The following TPMT variants were observed in gnomAD, a reference collection of about 807,000 sequenced individuals.
TPMT encodes thiopurine S-methyltransferase.
A neutral mutation model predicts 34.2 loss-of-function variants in TPMT; 18 were observed. That is an observed-to-expected ratio of 0.53 (90% CI 0.36 to 0.78). The LOEUF (loss-of-function observed/expected upper bound fraction) is 0.78. TPMT is among the 30% of genes least tolerant of loss of function. The probability of loss-of-function intolerance (pLI) is 0.00; values close to 1 mark genes in which losing one functional copy is unlikely to be tolerated. For missense variants in TPMT, 265 were observed against 288.1 expected (o/e 0.92, Z 0.58); for synonymous variants, 69 against 92.4 (o/e 0.75, Z 1.45).
intron 3 of TPMT, 86 bp downstream of exon 3, chr6:18,147,737 G>A: frequency 8.2e-7 from 1 of 1,212,516 alleles, no homozygotes; most frequent in Non-Finnish European, 1.2e-6. Flanking sequence ...CCTGAAAATG[G>A]AGTTTTAAAA....
At position 18,131,572 on chromosome 6, in the gene TPMT, T is replaced by A. The variant is rs1456152477; in HGVS notation, c.625+561A>T. 6.6e-6 allele frequency among the ~76,000 whole-genome samples: 1 copy of A among 151,898 alleles called. No homozygotes were observed. The highest frequency in any genetic ancestry group is 1.5e-5 in the Non-Finnish European group (1 of 67,948). On this transcript the variant is annotated intron_variant, in intron 8 of 8. Coordinates refer to ENST00000309983, the MANE Select transcript of TPMT (RefSeq NM_000367.5). The surrounding 1 kb of genome is among the most constrained non-coding windows in gnomAD (Gnocchi z 4.3). ...CTCCAGCCTGGGTGACAGATCAAGA[T>A]CCTATCTCAAAAATAAACAAATAAA... is the stretch of plus-strand genomic sequence containing the variant.
At chr6:18,141,960 C>T (rs1380709944) in intron 4 of TPMT, among the ~76,000 whole-genome samples, 1 of 152,098 alleles carries the variant, frequency 6.6e-6, no homozygotes, top group Non-Finnish European at 1.5e-5. Context: ...AAGAAGCAGA[C>T]AACATGGTGC....
chr6:18,146,805 C>G lies in TPMT; in HGVS notation c.233+1018G>C, dbSNP rs993600378. On this transcript the variant is annotated intron_variant, in intron 3 of 8. Coordinates refer to ENST00000309983, the MANE Select transcript of TPMT (RefSeq NM_000367.5). This position sits in a 1 kb window ranked among gnomAD's most constrained non-coding sequence, Gnocchi z 6.2. ...GCAGCCCTCTAACAAAGGCTCTCAG[C>G]TACAGTTGATTGGTTGCTGGCTGCA... 1.3e-5 allele frequency among the ~76,000 whole-genome samples: 2 copies of G among 152,160 alleles called. No homozygotes were observed. Among genetic ancestry groups the G allele is most frequent in the Non-Finnish European group, 2.9e-5 (2 of 68,036 alleles).
Position 18,149,241 on chromosome 6 carries a change from C to T in TPMT, c.-44-70G>A. 7.6e-7 allele frequency: 1 copy of T among 1,317,888 alleles called. No homozygotes were observed. The highest frequency in any genetic ancestry group is 1.1e-6 in the Non-Finnish European group (1 of 922,238). 81.6% of individuals were successfully genotyped at this position (1,317,888 alleles called of 1,614,324 possible). On this transcript the variant is annotated intron_variant, in intron 1 of 8. Transcript: ENST00000309983. This position sits in a 1 kb window ranked among gnomAD's most constrained non-coding sequence, Gnocchi z 5.0. Reference sequence around the variant, plus strand: ...ATTCTATTGATGAACTAAATGAAAACCTATTATTCTTAGCAGTATGACTTT... The same window carrying T: ...ATTCTATTGATGAACTAAATGAAAATCTATTATTCTTAGCAGTATGACTTT...
Position 18,139,178 on chromosome 6 carries a change from TGTGTGGAC to T in TPMT, c.420-149_420-142del. 1.3e-6 allele frequency: 1 copy of T among 794,376 alleles called. No homozygotes were observed. Among genetic ancestry groups the T allele is most frequent in the Non-Finnish European group, 2.2e-6 (1 of 459,580 alleles). The allele number at this position is 794,376 out of a possible 1,614,324, so 49.2% of individuals were successfully genotyped here. On this transcript the variant is annotated intron_variant, in intron 5 of 8. Transcript: ENST00000309983. This position sits in a 1 kb window ranked among gnomAD's most constrained non-coding sequence, Gnocchi z 4.2. ...ACGTCTGCGTTTCCTCCTAGAGGAA[TGTGTGGAC>T]CTGGGTGTGGAGAGCTGTCCATCCC...
rs141369996 is a variant in TPMT at position 18,141,194 on chromosome 6, C to G, written c.367-1477G>C. Among the ~76,000 whole-genome samples the G allele has an allele frequency of 1.8e-3, 274 of 152,154 alleles. 1 individual carries two copies. Among genetic ancestry groups the G allele is most frequent in the African/African-American group, 6.0e-3 (250 of 41,506 alleles). ...TCAAATGTGCAGCCTGGGCGGGGAA[C>G]TGCTGCTCCAAGAGGGGCCTGGAAG... On this transcript the variant is annotated intron_variant, in intron 4 of 8. Coordinates refer to ENST00000309983, the MANE Select transcript of TPMT (RefSeq NM_000367.5).
Position 18,149,036 on chromosome 6 carries a change from T to C in TPMT, c.92A>G (p.Asp31Gly). ...AGCAGTCTTGCCGTTCACCCACTTG[T>C]CTTGCCATTCTTCCAGAGTTAGTAC... The part of the protein sequence containing the change: ...NQVLTLEEWQ[D>G]KWVNGKTAFH... Residue 31 changes from aspartate to glycine, a missense_variant, in exon 2 of 9, where the codon GAC becomes GGC. Asp to Gly is a moderately conservative substitution (Grantham distance 94). Coordinates refer to ENST00000309983, the MANE Select transcript of TPMT (RefSeq NM_000367.5). This position sits in a 1 kb window ranked among gnomAD's most constrained non-coding sequence, Gnocchi z 5.0. 6.2e-7 allele frequency: 1 copy of C among 1,614,180 alleles called. No homozygotes were observed. Among genetic ancestry groups the C allele is most frequent in the Non-Finnish European group, 8.5e-7 (1 of 1,180,016 alleles).
In TPMT at chr6:18,148,149, T is replaced by C. The variant is rs1416974320; in HGVS notation, c.141-234A>G. On this transcript the variant is annotated intron_variant, in intron 2 of 8. Coordinates refer to ENST00000309983, the MANE Select transcript of TPMT (RefSeq NM_000367.5). This position sits in a 1 kb window ranked among gnomAD's most constrained non-coding sequence, Gnocchi z 4.1. ...TTAGTAATTAAAAATAATTTTTTTT[T>C]CTTGGGGATGTTTTGAAAATTCTTT... 6.6e-6 allele frequency among the ~76,000 whole-genome samples: 1 copy of C among 152,190 alleles called. No individual in the cohort carries two copies. Among genetic ancestry groups the C allele is most frequent in the Non-Finnish European group, 1.5e-5 (1 of 68,030 alleles).
At position 18,140,875 on chromosome 6, in the gene TPMT, A is replaced by T. The variant is rs961258024; in HGVS notation, c.367-1158T>A. Among the ~76,000 whole-genome samples the T allele has an allele frequency of 6.6e-6, 1 of 151,964 alleles. No homozygotes were observed. The highest frequency in any genetic ancestry group is 1.5e-5 in the Non-Finnish European group (1 of 67,986). ...AGCTGGGGTGAAGGGCAGTGTAGGA[A>T]AGGTGTGTCAGCACACAAGACTGCT... On this transcript the variant is annotated intron_variant, in intron 4 of 8. Coordinates refer to ENST00000309983, the MANE Select transcript of TPMT (RefSeq NM_000367.5). This position sits in a 1 kb window ranked among gnomAD's most constrained non-coding sequence, Gnocchi z 4.7.
Position 18,143,884 on chromosome 6 carries a change from T to C in TPMT, c.234-156A>G, listed in dbSNP as rs1784198661. ...GAACATGCAGGAAAGCAGATCTATA[T>C]TATTTTCAAACCTTATAAAAATTCT... On this transcript the variant is annotated intron_variant, in intron 3 of 8. Transcript: ENST00000309983. This position sits in a 1 kb window ranked among gnomAD's most constrained non-coding sequence, Gnocchi z 6.1. 6.6e-6 allele frequency among the ~76,000 whole-genome samples: 1 copy of C among 152,216 alleles called. No individual in the cohort carries two copies. Among genetic ancestry groups the C allele is most frequent in the South Asian group, 2.1e-4 (1 of 4,828 alleles).
In TPMT at chr6:18,154,910, A is replaced by T. The variant is rs2150726190; in HGVS notation, c.-45+123T>A. 6.6e-6 allele frequency: 1 copy of T among 152,442 alleles called. No homozygotes were observed. Among genetic ancestry groups the T allele is most frequent in the African/African-American group, 2.4e-5 (1 of 41,580 alleles). 9.4% of individuals were successfully genotyped at this position (152,442 alleles called of 1,614,324 possible). On this transcript the variant is annotated intron_variant, in intron 1 of 8. Coordinates refer to ENST00000309983, the MANE Select transcript of TPMT (RefSeq NM_000367.5). The surrounding 1 kb of genome is among the most constrained non-coding windows in gnomAD (Gnocchi z 4.2). The stretch of plus-strand genomic sequence containing the variant: ...CCGCTTCTGCCCTGAACCCCACTTC[A>T]CAGGGCTGATTGCTAGGCTGTCTAC...
At chr6:18,144,522 G>A (rs1453238948) in intron 3 of TPMT, among the ~76,000 whole-genome samples, 7 of 151,862 alleles carry the variant, frequency 4.6e-5, no homozygotes, top group Admixed American at 1.3e-4. Flanking sequence ...GGGATTACAG[G>A]TGCCTGTCAC....
In TPMT at chr6:18,128,895, T is replaced by A. The variant is rs1142367; in HGVS notation, c.*1773A>T. The A allele has an allele frequency of 6.6e-6, 1 of 152,426 alleles. No individual in the cohort carries two copies. The highest frequency in any genetic ancestry group is 2.1e-4 in the South Asian group (1 of 4,826). The allele number at this position is 152,426 out of a possible 1,614,324, so 9.4% of individuals were successfully genotyped here. On this transcript the variant is annotated 3_prime_UTR_variant, in exon 9 of 9. Coordinates refer to ENST00000309983, the MANE Select transcript of TPMT (RefSeq NM_000367.5). The surrounding 1 kb of genome is among the most constrained non-coding windows in gnomAD (Gnocchi z 4.6). ...CCACCACGCCTGGCTAATTTTTTTG[T>A]ATTTTTAGTAGAGACGGGGTTGCTT...
chr6:18,130,699 A>G lies in TPMT; in HGVS notation c.707T>C (p.Phe236Ser). Residue 236 changes from phenylalanine to serine, a missense_variant, in exon 9 of 9, where the codon TTT becomes TCT. Transcript: ENST00000309983. The surrounding 1 kb of genome is among the most constrained non-coding windows in gnomAD (Gnocchi z 4.2). ...RHKSWGIDCL[F>S]EKLYLLTEK ...TTCTGTAAGTAGATATAACTTTTCA[A>G]AAAGACAGTCAATTCCCCAACTTTT... The G allele has an allele frequency of 6.2e-7, 1 of 1,612,710 alleles. No homozygotes were observed. Among genetic ancestry groups the G allele is most frequent in the African/African-American group, 1.3e-5 (1 of 75,016 alleles).
At position 18,154,785 on chromosome 6, in the gene TPMT, G is replaced by GA. The variant is rs752308547; in HGVS notation, c.-45+247dup. 1.5e-3 allele frequency among the ~76,000 whole-genome samples: 222 copies of GA among 150,668 alleles called. No homozygotes were observed. Among genetic ancestry groups the GA allele is most frequent in the Middle Eastern group, 6.9e-3 (2 of 288 alleles). ...GAGACCCTGTCTCTAAAAGAAAAAA[G>GA]AAAAAAAAATAATTAAAACACACCA... On this transcript the variant is annotated intron_variant, in intron 1 of 8. Coordinates refer to ENST00000309983, the MANE Select transcript of TPMT (RefSeq NM_000367.5). The surrounding 1 kb of genome is among the most constrained non-coding windows in gnomAD (Gnocchi z 4.2).
rs749026763 is a variant in TPMT, at chr6:18,139,661, C to T, written c.419+4G>A. On this transcript the variant is annotated splice_donor_region_variant and intron_variant, in intron 5 of 8. Coordinates refer to ENST00000309983, the MANE Select transcript of TPMT (RefSeq NM_000367.5). This position sits in a 1 kb window ranked among gnomAD's most constrained non-coding sequence, Gnocchi z 4.2. The stretch of plus-strand genomic sequence containing the variant: ...TTAAAGTGCAGATGTAGTATTCAAC[C>T]TACCTGGGAAGATCAAAAATACTGC... The T allele has an allele frequency of 2.5e-6, 4 of 1,612,848 alleles. No individual in the cohort carries two copies. The highest frequency in any genetic ancestry group is 1.7e-5 in the Admixed American group (1 of 59,996).
chr6:18,148,486 G>T lies in TPMT; in HGVS notation c.140+502C>A. 6.6e-6 allele frequency among the ~76,000 whole-genome samples: 1 copy of T among 152,116 alleles called. No individual in the cohort carries two copies. The highest frequency in any genetic ancestry group is 1.9e-4 in the East Asian group (1 of 5,200). ...TCTAACAACCACTTTACTCAGCACTGGTCCCATGATTTATTGCTGCTATGA... is the reference window on the plus strand; with the variant it reads ...TCTAACAACCACTTTACTCAGCACTTGTCCCATGATTTATTGCTGCTATGA... On this transcript the variant is annotated intron_variant, in intron 2 of 8. Transcript: ENST00000309983. This position sits in a 1 kb window ranked among gnomAD's most constrained non-coding sequence, Gnocchi z 4.1.
In TPMT at chr6:18,128,452, A is replaced by G. The variant is rs1783867190; in HGVS notation, c.*2216T>C. 6.6e-6 allele frequency: 1 copy of G among 152,184 alleles called. No individual in the cohort carries two copies. Among genetic ancestry groups the G allele is most frequent in the South Asian group, 2.1e-4 (1 of 4,824 alleles). The allele number at this position is 152,184 out of a possible 1,614,324, so 9.4% of individuals were successfully genotyped here. On this transcript the variant is annotated 3_prime_UTR_variant, in exon 9 of 9. Coordinates refer to ENST00000309983, the MANE Select transcript of TPMT (RefSeq NM_000367.5). This position sits in a 1 kb window ranked among gnomAD's most constrained non-coding sequence, Gnocchi z 4.6. ...ATGATCAACTACCTAAGGATATCTC[A>G]TTTGTATTTAAGATTCTTTGGGCAC... is the stretch of plus-strand genomic sequence containing the variant.
In TPMT at chr6:18,151,572, A is replaced by AGATT. The variant is rs200164729; in HGVS notation, c.-44-2405_-44-2402dup. On this transcript the variant is annotated intron_variant, in intron 1 of 8. Coordinates refer to ENST00000309983, the MANE Select transcript of TPMT (RefSeq NM_000367.5). ...GTGAGTGGATTTCATTTGGAAACCT[A>AGATT]GATTTATTTATTTATTTATTTATTT... Among the ~76,000 whole-genome samples the AGATT allele has an allele frequency of 9.5e-3, 1,338 of 141,514 alleles. 11 individuals are homozygous for AGATT. The highest frequency in any genetic ancestry group is 0.011 in the Non-Finnish European group (719 of 65,636). The allele number at this position is 141,514 out of a possible 152,430, so 92.8% of individuals were successfully genotyped here.
Sources: gnomAD v4.1 joint callset for allele counts (sites outside exome capture counted in the v4.1 genomes callset) on GRCh38, gnomAD v4.1.1 for gene constraint, Gnocchi (gnomAD v3.1) non-coding constraint, MANE v1.5 for transcripts, NCBI Gene and HGNC (gene_info 2026-07-23, HGNC 2026-07-21) for gene names.